The following DPY19L3 variants were observed in gnomAD, a reference collection of about 807,000 sequenced individuals.
DPY19L3 encodes protein C-mannosyl-transferase DPY19L3.
In DPY19L3, 51 loss-of-function variants were observed where a neutral mutation model predicts 92.3. The observed-to-expected ratio is 0.55, with a 90% CI of 0.44 to 0.70. DPY19L3 has a LOEUF of 0.70. DPY19L3 is among the 30% of genes least tolerant of loss of function. The pLI is 0.00. For missense variants in DPY19L3, 706 were observed against 855.9 expected (o/e 0.82, Z 2.18); for synonymous variants, 309 against 315.2 (o/e 0.98, Z 0.21).
At chr19:32,447,734 T>G in intron 8 of DPY19L3, among the ~76,000 whole-genome samples, 1 of 137,130 alleles carries the variant, frequency 7.3e-6, no homozygotes. Flanking sequence ...GATAGATAGA[T>G]AGATAGATAG....
chr19:32,429,088 C>T (rs1968872487), intron 3 of DPY19L3, among the ~76,000 whole-genome samples: 1 of 152,068 alleles, frequency 6.6e-6, no homozygotes, highest in Admixed American at 6.6e-5. Flanking sequence ...ACCTCAGGAT[C>T]CACCCGCCTC....
chr19:32,477,587 G>C lies in DPY19L3; in HGVS notation c.1763G>C (p.Cys588Ser). The change falls in exon 17 of 19, where the codon TGC (cysteine) becomes TCC (serine). Residue 588 changes from cysteine to serine, a missense_variant. Coordinates refer to ENST00000392250, the MANE Select transcript of DPY19L3 (RefSeq NM_001172774.2). The part of the protein sequence containing the change: ...SMQLLAGVKL[C>S]TGRTLTNHPH... ...CAGTTGCTGGCCGGAGTCAAGCTGT[G>C]CACGGGAAGGACCCTAACCAACCAC... 3 of 1,614,184 alleles carry C rather than the reference G, an allele frequency of 1.9e-6. No individual in the cohort carries two copies. Among genetic ancestry groups the C allele is most frequent in the Non-Finnish European group, 2.5e-6 (3 of 1,180,042 alleles).
intron 16 of DPY19L3, among the ~76,000 whole-genome samples, chr19:32,471,714 T>C (rs1288415402): frequency 1.3e-5 from 2 of 152,166 alleles, no homozygotes; most frequent in African/African-American, 4.8e-5. Context: ...AGGGCTTCTC[T>C]GCTTTAAGGG....
intron 18 of DPY19L3, 72 bp downstream of exon 18, chr19:32,480,629 T>A: frequency 1.3e-6 from 2 of 1,498,278 alleles, no homozygotes; most frequent in South Asian, 1.3e-5. Context: ...CCTAAGAATG[T>A]GAATCTTTTT....
Position 32,453,186 on chromosome 19 carries a change from G to A in DPY19L3, c.897G>A (p.Leu299=). The change falls in exon 9 of 19, where the codon CTG becomes CTA. Residue 299 remains leucine, a synonymous_variant. Coordinates refer to ENST00000392250, the MANE Select transcript of DPY19L3 (RefSeq NM_001172774.2). ...GAATACAGATAACAAGTTTACTCCT[G>A]GTCTGCATTCTTCAGTTTTTTAATT... ...LYGIQITSLL[L]VCILQFFNSM... The A allele has an allele frequency of 1.9e-6, 3 of 1,613,938 alleles. No individual in the cohort carries two copies. In the South Asian group the frequency reaches 3.3e-5, roughly 18 times the overall value.
At chr19:32,456,452 T>C (rs556976088) in intron 10 of DPY19L3, among the ~76,000 whole-genome samples, 1 of 152,134 alleles carries the variant, frequency 6.6e-6, no homozygotes, top group Admixed American at 6.5e-5. Context: ...GCTTTTTTTT[T>C]TTGAGACAGG....
chr19:32,409,266 C>G (rs1968093898), intron 2 of DPY19L3, among the ~76,000 whole-genome samples: 1 of 152,220 alleles, frequency 6.6e-6, no homozygotes, highest in Non-Finnish European at 1.5e-5. Flanking sequence ...CACATGTATA[C>G]CCATAAGCAT....
chr19:32,406,969 C>CT (rs1967978711), intron 1 of DPY19L3, among the ~76,000 whole-genome samples: 2 of 149,520 alleles, frequency 1.3e-5, no homozygotes, highest in East Asian at 2.0e-4. Context: ...ATTTCCAGTG[C>CT]TTGAAAGCAC....
chr19:32,431,661 A>G (rs1004353828), intron 3 of DPY19L3, among the ~76,000 whole-genome samples: 8 of 152,198 alleles, frequency 5.3e-5, no homozygotes, highest in Non-Finnish European at 7.3e-5. Context: ...TTTATGTTTT[A>G]TGTATACCTT....
At chr19:32,423,420 TG>T (rs1968643849) in intron 3 of DPY19L3, among the ~76,000 whole-genome samples, 2 of 133,668 alleles carry the variant, frequency 1.5e-5, no homozygotes, top group African/African-American at 5.3e-5. Flanking sequence ...TTTTTTTTTT[TG>T]GTATTTTTAG....
At chr19:32,477,459 C>T in intron 16 of DPY19L3, 63 bp from the exon 17 acceptor site, 2 of 1,590,234 alleles carry the variant, frequency 1.3e-6, no homozygotes, top group East Asian at 2.3e-5. Flanking sequence ...TTGATATTGT[C>T]TTCTTTGTTG....
chr19:32,420,948 A>G (rs1011502379), intron 3 of DPY19L3, among the ~76,000 whole-genome samples: 8 of 152,124 alleles, frequency 5.3e-5, no homozygotes, highest in African/African-American at 1.9e-4. Flanking sequence ...AAGTGCCTAA[A>G]TATTTTACTT....
intron 6 of DPY19L3, among the ~76,000 whole-genome samples, chr19:32,438,276 G>C (rs956358622): frequency 6.6e-6 from 1 of 152,020 alleles, no homozygotes; most frequent in Non-Finnish European, 1.5e-5. Flanking sequence ...CCTGTTGGGG[G>C]TTTACTGTAT....
At chr19:32,460,844 C>CTTGTTTTGTT (rs59020860) in intron 12 of DPY19L3, among the ~76,000 whole-genome samples, 31,199 of 148,140 alleles carry the variant, frequency 0.21, 3,910 homozygotes, top group East Asian at 0.46. Context: ...GATACTATGA[C>CTTGTTTTGTT]TTGTTTTGTT....
At chr19:32,455,172 C>G in intron 10 of DPY19L3, 132 bp downstream of exon 10, 1 of 623,744 alleles carries the variant, frequency 1.6e-6, no homozygotes, top group Non-Finnish European at 2.6e-6. Flanking sequence ...GTTTCCTAGG[C>G]TGGCCTTGAA....
chr19:32,440,641 C>T (rs3810401), intron 8 of DPY19L3, among the ~76,000 whole-genome samples: 59,439 of 151,962 alleles, frequency 0.39, 13,650 homozygotes, highest in Non-Finnish European at 0.53. Context: ...ACATAAAAGT[C>T]TACCAAGAAA....
At chr19:32,465,913 G>A (rs78048450) in intron 15 of DPY19L3, among the ~76,000 whole-genome samples, 2,028 of 152,198 alleles carry the variant, frequency 0.013, 53 homozygotes, top group African/African-American at 0.046. Flanking sequence ...ATCTAGACAC[G>A]AACAGTTAAG....
At chr19:32,453,972 AT>A (rs1219507053) in intron 9 of DPY19L3, among the ~76,000 whole-genome samples, 1 of 152,114 alleles carries the variant, frequency 6.6e-6, no homozygotes, top group African/African-American at 2.4e-5. Context: ...TCAAGAAGCC[AT>A]TTTGTTTTCC....
At chr19:32,475,468 CAA>C (rs1247294248) in intron 16 of DPY19L3, among the ~76,000 whole-genome samples, 1 of 152,178 alleles carries the variant, frequency 6.6e-6, no homozygotes, top group Admixed American at 6.5e-5. Flanking sequence ...ATGGGTGTGT[CAA>C]GTTATCGTAT....
Sources: gnomAD v4.1 joint callset for allele counts (sites outside exome capture counted in the v4.1 genomes callset) on GRCh38, gnomAD v4.1.1 for gene constraint, MANE v1.5 for transcripts, NCBI Gene and HGNC (gene_info 2026-07-23, HGNC 2026-07-21) for gene names.